Variants in CDH13 observed in about 807,000 individuals in gnomAD.
CDH13 encodes the protein cadherin 13.
A neutral mutation model predicts 63.8 loss-of-function variants in CDH13; 24 were observed. The ratio of observed to expected loss-of-function variants is 0.38; its 90% CI spans 0.27 to 0.53. The LOEUF (loss-of-function observed/expected upper bound fraction) is 0.53. Ranked by LOEUF, CDH13 falls within the 20% of genes least tolerant of loss-of-function variation. CDH13 has a pLI of 0.85. For synonymous variants in CDH13, 503 were observed against 355.3 expected, an observed-to-expected ratio of 1.42 and a Z score of -4.67; for missense variants, 1,049 against 903.1, an observed-to-expected ratio of 1.16 and a Z score of -2.07.
intron 12 of CDH13, among the ~76,000 whole-genome samples, chr16:83,781,981 T>C (rs1915558762): frequency 6.6e-6 from 1 of 151,578 alleles, no homozygotes; most frequent in Admixed American, 6.6e-5. Flanking sequence ...TAAAGGAAGA[T>C]GGGAAAATGC....
chr16:83,456,002 C>T (rs2073015734), intron 6 of CDH13, among the ~76,000 whole-genome samples: 1 of 152,360 alleles, frequency 6.6e-6, no homozygotes, highest in African/African-American at 2.4e-5. Context: ...GCTCCCACTG[C>T]TGTTACCCTG....
intron 2 of CDH13, among the ~76,000 whole-genome samples, chr16:82,992,421 C>G (rs1367034167): frequency 6.6e-6 from 1 of 152,110 alleles, no homozygotes; most frequent in Non-Finnish European, 1.5e-5. Flanking sequence ...TATCTTTAAG[C>G]TAGAGTCTCT....
chr16:83,054,985 A>G (rs2030768810), intron 3 of CDH13, among the ~76,000 whole-genome samples: 1 of 152,130 alleles, frequency 6.6e-6, no homozygotes, highest in Non-Finnish European at 1.5e-5. Context: ...AATCATACAG[A>G]TTGTATATTC....
chr16:82,876,557 T>C (rs2040511256), intron 2 of CDH13, among the ~76,000 whole-genome samples: 1 of 152,232 alleles, frequency 6.6e-6, no homozygotes, highest in Admixed American at 6.5e-5. Flanking sequence ...AACATTACTA[T>C]GTCACATTGC....
chr16:83,431,666 G>C (rs564578251), intron 6 of CDH13, among the ~76,000 whole-genome samples: 1 of 152,120 alleles, frequency 6.6e-6, no homozygotes, highest in Admixed American at 6.5e-5. Flanking sequence ...ATCTCACATG[G>C]TGAGAGCAGG....
intron 4 of CDH13, among the ~76,000 whole-genome samples, chr16:83,201,482 C>A (rs531990765): frequency 1.3e-5 from 2 of 152,184 alleles, no homozygotes; most frequent in East Asian, 3.9e-4. Flanking sequence ...ATGTAATGAG[C>A]CACAGGAGAC....
intron 1 of CDH13, among the ~76,000 whole-genome samples, chr16:82,724,885 C>T (rs929683626): frequency 6.6e-6 from 1 of 152,162 alleles, no homozygotes; most frequent in Non-Finnish European, 1.5e-5. Flanking sequence ...TTGGCTGGGT[C>T]AGCCATTCTC....
At chr16:83,710,099 G>A (rs1181639999) in intron 10 of CDH13, 1 of 152,212 alleles carries the variant, frequency 6.6e-6, no homozygotes, top group Non-Finnish European at 1.5e-5. Flanking sequence ...TGGCATCTAG[G>A]GGGCAGAGGC....
chr16:83,548,875 C>G (rs12600078), intron 7 of CDH13, among the ~76,000 whole-genome samples: 46,501 of 152,056 alleles, frequency 0.31, 8,116 homozygotes, highest in East Asian at 0.42. Flanking sequence ...CCTGCCATCA[C>G]TATTGCAAAA....
In CDH13 at chr16:83,175,440, G is replaced by A. The variant is rs369235897; in HGVS notation, c.484-41905G>A. Among the ~76,000 whole-genome samples the A allele has an allele frequency of 1.8e-4, 27 of 152,210 alleles. No homozygotes were observed. The East Asian group carries it at 3.9e-3, about 22-fold the overall frequency. On this transcript the variant is annotated intron_variant, in intron 4 of 13. Transcript: ENST00000567109. ...CTCTGTTTCTTTTTCTAATGAGCCA[G>A]TGTGGAGACTGGGGAAGAGGAAGGG...
At chr16:82,936,633 C>G (rs1475297116) in intron 2 of CDH13, among the ~76,000 whole-genome samples, 1 of 152,162 alleles carries the variant, frequency 6.6e-6, no homozygotes, top group East Asian at 1.9e-4. Flanking sequence ...ATTTGCATTT[C>G]TAACTAGTCC....
At chr16:83,535,421 T>C (rs1353963969) in intron 7 of CDH13, among the ~76,000 whole-genome samples, 1 of 152,186 alleles carries the variant, frequency 6.6e-6, no homozygotes. Context: ...TAATTGTGGA[T>C]TCAGAAGAAG....
At chr16:83,617,543 C>A (rs1432373901) in intron 8 of CDH13, among the ~76,000 whole-genome samples, 4 of 151,094 alleles carry the variant, frequency 2.6e-5, no homozygotes, top group Non-Finnish European at 5.9e-5. Flanking sequence ...CTATTCTTTT[C>A]TCATATGAAC....
At chr16:82,792,679 G>T (rs4783273) in intron 1 of CDH13, among the ~76,000 whole-genome samples, 8 of 152,202 alleles carry the variant, frequency 5.3e-5, no homozygotes, top group South Asian at 2.1e-4. Flanking sequence ...GCTGAATTCG[G>T]TACATGGCTC....
At chr16:82,678,999 C>G (rs1240399649) in intron 1 of CDH13, among the ~76,000 whole-genome samples, 1 of 152,156 alleles carries the variant, frequency 6.6e-6, no homozygotes, top group Non-Finnish European at 1.5e-5. Context: ...GAGCAGACTC[C>G]AGTTGATCAC....
chr16:82,852,840 TCTG>T (rs1410622350), intron 1 of CDH13, among the ~76,000 whole-genome samples: 3 of 152,112 alleles, frequency 2.0e-5, no homozygotes, highest in Non-Finnish European at 4.4e-5. Flanking sequence ...ACTAACCACA[TCTG>T]CTGGCCACAT....
chr16:82,633,773 C>T (rs1385395995), intron 1 of CDH13, among the ~76,000 whole-genome samples: 3 of 152,164 alleles, frequency 2.0e-5, no homozygotes, highest in African/African-American at 4.8e-5. Context: ...CACCCACGGC[C>T]GTTCTACATA....
intron 7 of CDH13, 38 bp downstream of exon 7, chr16:83,486,693 T>G (rs16960645): frequency 1.9e-6 from 3 of 1,594,408 alleles, no homozygotes; most frequent in Non-Finnish European, 2.6e-6. Context: ...TTCACGAGAA[T>G]AGAATGTGGC....
intron 2 of CDH13, among the ~76,000 whole-genome samples, chr16:83,030,308 C>G (rs1425944404): frequency 5.9e-5 from 9 of 152,228 alleles, no homozygotes; most frequent in Middle Eastern, 3.4e-3. Flanking sequence ...AAATCACTTG[C>G]TATAACCCAG....
Sources: allele counts gnomAD v4.1 joint callset (sites outside exome capture counted in the v4.1 genomes callset), GRCh38; gene constraint gnomAD v4.1.1; transcripts MANE v1.5; gene names NCBI Gene and HGNC (gene_info 2026-07-23, HGNC 2026-07-21).